Variants in DNAJB13 observed in about 807,000 individuals in gnomAD.
DNAJB13 encodes dnaJ homolog subfamily B member 13.
In DNAJB13, 22 loss-of-function variants were observed where a neutral mutation model predicts 35.6. That is an observed-to-expected ratio of 0.62 (90% CI 0.44 to 0.88). The LOEUF is 0.88. DNAJB13 is among the 40% of genes least tolerant of loss of function. The probability of loss-of-function intolerance (pLI) is 0.00; values close to 1 mark genes in which losing one functional copy is unlikely to be tolerated. For missense variants in DNAJB13, 370 were observed against 384.3 expected (o/e 0.96, Z 0.31); for synonymous variants, 136 against 144.2 (o/e 0.94, Z 0.41).
Position 73,969,259 on chromosome 11 carries a change from G to T in DNAJB13, c.734G>T (p.Cys245Phe), listed in dbSNP as rs369843758. 2.3e-6 allele frequency: 2 copies of T among 872,064 alleles called. No individual in the cohort carries two copies. Among genetic ancestry groups the T allele is most frequent in the Admixed American group, 3.4e-5 (2 of 59,052 alleles). The allele number at this position is 872,064 out of a possible 1,614,324, so 54.0% of individuals were successfully genotyped here. A position where few individuals can be genotyped will look rare whatever the true frequency, so the allele number is the denominator to read the frequency against. ...GACCCTCCCTAGGCTCTCACCTGCT[G>T]CACTGTGGAGGTGAGGACCCTAGAT... is the stretch of plus-strand genomic sequence containing the variant. ...PIPLGKALTC[C>F]TVEVRTLDDR... The change falls in exon 7 of 8, where the codon TGC (cysteine) becomes TTC (phenylalanine). Residue 245 changes from cysteine to phenylalanine, a missense_variant. Coordinates refer to ENST00000339764, the MANE Select transcript of DNAJB13 (RefSeq NM_153614.4).
intron 5 of DNAJB13, among the ~76,000 whole-genome samples, chr11:73,967,570 C>T (rs1951154372): frequency 6.6e-6 from 1 of 152,004 alleles, no homozygotes; most frequent in African/African-American, 2.4e-5. Flanking sequence ...CATAGCGAGA[C>T]CTTGTCTCTA....
chr11:73,956,079 C>T (rs1468190591), intron 1 of DNAJB13, among the ~76,000 whole-genome samples: 2 of 151,006 alleles, frequency 1.3e-5, no homozygotes, highest in Non-Finnish European at 3.0e-5. Flanking sequence ...TATTTACTCA[C>T]TCCTGCTCAG....
chr11:73,968,847 G>A (rs58125455), intron 6 of DNAJB13, among the ~76,000 whole-genome samples: 42,408 of 151,880 alleles, frequency 0.28, 6,209 homozygotes, highest in Admixed American at 0.36. Context: ...CCTGTGTGGC[G>A]CATTGTCACA....
rs1163341948 is a variant in DNAJB13, at chr11:73,956,803, CAAA to C, written c.69-1496_69-1494del. Reference sequence around the variant, plus strand: ...GGGCAACAAGAGAGAAACTCCATCTCAAAAAAAAAAAAAAAAAAAAGTATATGT... The same window carrying C: ...GGGCAACAAGAGAGAAACTCCATCTCAAAAAAAAAAAAAAAAAGTATATGT... On this transcript the variant is annotated intron_variant, in intron 1 of 7. Transcript: ENST00000339764. Among the ~76,000 whole-genome samples, 678 of 75,880 alleles carry C rather than the reference CAAA, an allele frequency of 8.9e-3. 6 individuals are homozygous for C. Among genetic ancestry groups the C allele is most frequent in the African/African-American group, 0.029 (641 of 22,232 alleles). The allele number at this position is 75,880 out of a possible 152,430, so 49.8% of individuals were successfully genotyped here.
At position 73,958,280 on chromosome 11, in the gene DNAJB13, C is replaced by G. The variant is rs370839231; in HGVS notation, c.69-37C>G. 11 of 1,605,192 alleles carry G rather than the reference C, an allele frequency of 6.9e-6. No homozygotes were observed. The African/African-American group carries it at 1.5e-4, about 21-fold the overall frequency. Reference sequence around the variant, plus strand: ...CTCTGGTCCGCCCTCAGAAACAGACCAGCTGATAAGACTTGTATTAATTCT... The same window carrying G: ...CTCTGGTCCGCCCTCAGAAACAGACGAGCTGATAAGACTTGTATTAATTCT... On this transcript the variant is annotated intron_variant, in intron 1 of 7. Transcript: ENST00000339764.
At chr11:73,957,262 C>G (rs1330291649) in intron 1 of DNAJB13, among the ~76,000 whole-genome samples, 1 of 152,224 alleles carries the variant, frequency 6.6e-6, no homozygotes, top group Non-Finnish European at 1.5e-5. Context: ...CCTATGGGGT[C>G]TCTTCAGTCA....
chr11:73,968,706 T>G (rs1478119915), intron 6 of DNAJB13, among the ~76,000 whole-genome samples: 1 of 152,154 alleles, frequency 6.6e-6, no homozygotes, highest in African/African-American at 2.4e-5. Context: ...TCCTTAGGGA[T>G]CCTGCCACAC....
At chr11:73,961,175 G>A (rs1246618448) in intron 3 of DNAJB13, among the ~76,000 whole-genome samples, 1 of 152,152 alleles carries the variant, frequency 6.6e-6, no homozygotes, top group Non-Finnish European at 1.5e-5. Flanking sequence ...AGCTACTCAG[G>A]AGGCTGAGGT....
intron 7 of DNAJB13, 62 bp downstream of exon 7, chr11:73,969,384 T>C (rs1174306897): frequency 9.4e-6 from 8 of 851,872 alleles, no homozygotes; most frequent in Non-Finnish European, 1.6e-5. Flanking sequence ...ATTTAGGTGG[T>C]AGTGTGACAG....
At chr11:73,959,820 T>C (rs1950877556) in intron 3 of DNAJB13, 165 bp downstream of exon 3, 2 of 651,622 alleles carry the variant, frequency 3.1e-6, no homozygotes, top group Non-Finnish European at 4.4e-6. Flanking sequence ...TGGAGTGCAG[T>C]AGTGGGATCA....
chr11:73,956,853 T>A (rs370896742), intron 1 of DNAJB13, among the ~76,000 whole-genome samples: 4 of 149,732 alleles, frequency 2.7e-5, no homozygotes, highest in African/African-American at 9.9e-5. Context: ...GAATTTATGA[T>A]ACCTTGGAGA....
At chr11:73,962,035 C>T (rs603702) in intron 3 of DNAJB13, among the ~76,000 whole-genome samples, 33,071 of 152,020 alleles carry the variant, frequency 0.22, 3,912 homozygotes, top group African/African-American at 0.31. Context: ...TCAGGTGATC[C>T]GCCTGCGTCA....
rs761199020 is a variant in DNAJB13, at chr11:73,968,434, C to T, written c.696C>T (p.Phe232=). ...RFRRENDNLF[F]VNPIPLGKAL... is the part of the protein sequence containing the mutation. ...GCAGGGAGAATGACAACCTCTTCTT[C>T]GTGAACCCCATCCCTCTTGGCAAGG... is the stretch of plus-strand genomic sequence containing the variant. Residue 232 remains phenylalanine (F), a synonymous_variant, in exon 6 of 8, where the codon TTC becomes TTT. Transcript: ENST00000339764. The T allele has an allele frequency of 1.9e-5, 30 of 1,613,904 alleles. No individual in the cohort carries two copies. The highest frequency in any genetic ancestry group is 1.8e-4 in the Admixed American group (11 of 59,994).
rs186529221 is a variant in DNAJB13, at chr11:73,964,591, G to T, written c.335-287G>T. 88 of 340,284 alleles carry T rather than the reference G, an allele frequency of 2.6e-4. 1 individual carries two copies. Among genetic ancestry groups the T allele is most frequent in the African/African-American group, 1.8e-3 (76 of 42,290 alleles). The allele number at this position is 340,284 out of a possible 1,614,324, so 21.1% of individuals were successfully genotyped here. A position where few individuals can be genotyped will look rare whatever the true frequency, so the allele number is the denominator to read the frequency against. On this transcript the variant is annotated intron_variant, in intron 3 of 7. Transcript: ENST00000339764. ...GAGACGGGGAAGCGTTGGGCGGGGT[G>T]GGGGGGGAATGTCCCAAGGGGAGGT...
At chr11:73,954,182 C>A (rs2135276979) in intron 1 of DNAJB13, among the ~76,000 whole-genome samples, 1 of 150,926 alleles carries the variant, frequency 6.6e-6, no homozygotes, top group East Asian at 2.0e-4. Context: ...AAAAATTAGC[C>A]AGGTGTAGTG....
intron 1 of DNAJB13, among the ~76,000 whole-genome samples, chr11:73,954,401 C>T (rs923680387): frequency 1.3e-4 from 20 of 151,420 alleles, no homozygotes; most frequent in Non-Finnish European, 2.5e-4. Context: ...GAGGCTGAGG[C>T]GGGCGGATCA....
intron 2 of DNAJB13, among the ~76,000 whole-genome samples, chr11:73,958,749 G>C (rs887453662): frequency 7.2e-5 from 11 of 152,192 alleles, no homozygotes; most frequent in Admixed American, 7.2e-4. Context: ...TTGCAGCTAC[G>C]GGGAAGAAAG....
chr11:73,954,643 A>AAAAAT lies in DNAJB13; in HGVS notation c.68+3509_68+3510insATAAA, dbSNP rs1554989418. Among the ~76,000 whole-genome samples the AAAAAT allele has an allele frequency of 1.4e-4, 18 of 132,250 alleles. 1 individual carries two copies. The highest frequency in any genetic ancestry group is 2.0e-4 in the Non-Finnish European group (12 of 59,700). The allele number at this position is 132,250 out of a possible 152,430, so 86.8% of individuals were successfully genotyped here. ...AGACTCCGTCTCAAAAAAAAAAAAT[A>AAAAAT]AAATAAATAAATAAATAAATAAATA... On this transcript the variant is annotated intron_variant, in intron 1 of 7. Transcript: ENST00000339764.
chr11:73,956,087 C>T (rs1950734985), intron 1 of DNAJB13, among the ~76,000 whole-genome samples: 2 of 150,544 alleles, frequency 1.3e-5, no homozygotes, highest in African/African-American at 4.9e-5. Context: ...CACTCCTGCT[C>T]AGTGCCCAGC....
Sources: gnomAD v4.1 joint callset for allele counts (sites outside exome capture counted in the v4.1 genomes callset) on GRCh38, gnomAD v4.1.1 for gene constraint, MANE v1.5 for transcripts, NCBI Gene and HGNC (gene_info 2026-07-23, HGNC 2026-07-21) for gene names.